The following RSF1 variants were observed in gnomAD, a reference collection of about 807,000 sequenced individuals.
RSF1 encodes remodeling and spacing factor 1.
RSF1 carries 13 observed loss-of-function variants against 145.2 expected under a neutral mutation model. The ratio of observed to expected loss-of-function variants is 0.09; its 90% CI spans 0.06 to 0.14. The LOEUF (loss-of-function observed/expected upper bound fraction) is 0.14, where lower values mean the gene tolerates loss of function less well. Among genes scored for constraint, RSF1 ranks in the 10% least tolerant of loss-of-function variants. The pLI is 1.00. For missense variants in RSF1, 1,517 were observed against 1,718.2 expected, an observed-to-expected ratio of 0.88 and a Z score of 2.07; for synonymous variants, 577 against 592.6, an observed-to-expected ratio of 0.97 and a Z score of 0.38.
At chr11:77,731,926 C>G (rs2135896479) in intron 4 of RSF1, among the ~76,000 whole-genome samples, 1 of 152,312 alleles carries the variant, frequency 6.6e-6, no homozygotes, top group East Asian at 1.9e-4. Context: ...AATGTGGGAT[C>G]AGAGCCACAC....
the RSF1 span, among the ~76,000 whole-genome samples, chr11:77,860,384 C>G: frequency 1.3e-5 from 2 of 152,216 alleles, no homozygotes; most frequent in Non-Finnish European, 2.9e-5. Flanking sequence ...TGAGGATAAG[C>G]CAGTGTGGGC....
rs146278334 is a variant in RSF1 at position 77,682,478 on chromosome 11, C to T, written c.3065+1232G>A. 2.4e-4 allele frequency among the ~76,000 whole-genome samples: 37 copies of T among 152,248 alleles called. No individual in the cohort carries two copies. The Middle Eastern group carries it at 0.014, about 56-fold the overall frequency. On this transcript the variant is annotated intron_variant, in intron 11 of 15. Transcript: ENST00000308488. ...AGACAGCATGATTTAGTGGAAAGAA[C>T]ACTAGACTGGAAGATAGGGTTTTAG... is the stretch of plus-strand genomic sequence containing the variant.
intron 1 of RSF1, among the ~76,000 whole-genome samples, chr11:77,802,771 G>C (rs954875531): frequency 6.6e-6 from 1 of 152,020 alleles, no homozygotes; most frequent in East Asian, 1.9e-4. Context: ...GGCTGGTCTC[G>C]AACTCCTGAC....
At chr11:77,857,984 G>A in the RSF1 span, among the ~76,000 whole-genome samples, 2 of 152,036 alleles carry the variant, frequency 1.3e-5, no homozygotes, top group African/African-American at 2.4e-5. Context: ...GTGAGCCAAC[G>A]TGCCCGGCCA....
At chr11:77,674,712 T>C (rs1033558453) in intron 14 of RSF1, among the ~76,000 whole-genome samples, 1 of 152,212 alleles carries the variant, frequency 6.6e-6, no homozygotes, top group African/African-American at 2.4e-5. Flanking sequence ...TAAGAATTTG[T>C]TGAGCTGGCC....
At chr11:77,840,900 T>C in the RSF1 span, 1 of 324,766 alleles carries the variant, frequency 3.1e-6, no homozygotes. Flanking sequence ...GGTTTAGCCA[T>C]TTGCCTATAC....
chr11:77,691,482 C>A (rs1213252797), intron 8 of RSF1, among the ~76,000 whole-genome samples: 8 of 152,156 alleles, frequency 5.3e-5, no homozygotes, highest in Admixed American at 5.2e-4. Flanking sequence ...GGATTCTGTG[C>A]CTATCCTACT....
chr11:77,725,644 C>T lies in RSF1; in HGVS notation c.634G>A (p.Val212Ile). The T allele has an allele frequency of 1.2e-6, 2 of 1,609,986 alleles. No individual in the cohort carries two copies. Among genetic ancestry groups the T allele is most frequent in the Non-Finnish European group, 1.7e-6 (2 of 1,177,874 alleles). Residue 212 changes from valine (V) to isoleucine (I), a missense_variant, in exon 5 of 16, where the codon GTA becomes ATA. This residue lies in a region of RSF1 where 207 missense variants were observed against 191.4 expected (regional missense o/e 1.08). Coordinates refer to ENST00000308488, the MANE Select transcript of RSF1 (RefSeq NM_016578.4). ...TGTTGGCTAGAGTTTTTCAATAGTA[C>T]AGGATCAATTTGTGCTTTCAGGAGT... ...LALLKAQIDPVLLKNSSQQDN... is the reference protein window; with the variant it reads ...LALLKAQIDPILLKNSSQQDN...
intron 1 of RSF1, among the ~76,000 whole-genome samples, chr11:77,784,643 ATCAG>A (rs1192393425): frequency 6.6e-6 from 1 of 152,182 alleles, no homozygotes; most frequent in African/African-American, 2.4e-5. Flanking sequence ...TGCTGTAAAA[ATCAG>A]TTGGGCTTTG....
At chr11:77,842,722 TTG>T in the RSF1 span, 1 of 1,518,890 alleles carries the variant, frequency 6.6e-7, no homozygotes, top group Non-Finnish European at 8.9e-7. Context: ...ACTATTTCTC[TTG>T]TGTCTTTTTG....
At chr11:77,759,321 G>A (rs946768715) in intron 2 of RSF1, among the ~76,000 whole-genome samples, 1 of 151,872 alleles carries the variant, frequency 6.6e-6, no homozygotes, top group Non-Finnish European at 1.5e-5. Context: ...GATCGGCCTG[G>A]GCAATGTGGC....
upstream of RSF1, among the ~76,000 whole-genome samples, chr11:77,821,918 C>T (rs1430100317): frequency 1.3e-5 from 2 of 151,966 alleles, no homozygotes; most frequent in African/African-American, 4.8e-5. Flanking sequence ...CTTTGAACTC[C>T]TTAGAGTGGG....
the RSF1 span, chr11:77,870,182 TAA>T: frequency 5.5e-4 from 83 of 151,832 alleles, no homozygotes; most frequent in Admixed American, 1.0e-3. Context: ...AAATTTAATT[TAA>T]TTTTTTTTTT....
the RSF1 span, among the ~76,000 whole-genome samples, chr11:77,836,919 C>T: frequency 2.6e-5 from 4 of 152,042 alleles, no homozygotes; most frequent in Admixed American, 1.3e-4. Flanking sequence ...GAGCCAAGAT[C>T]GCGCCATTGC....
rs1176564933 is a variant in RSF1 at position 77,670,834 on chromosome 11, C to T, written c.3751+1208G>A. 4.6e-5 allele frequency among the ~76,000 whole-genome samples: 7 copies of T among 151,558 alleles called. No homozygotes were observed. The East Asian group carries it at 7.8e-4, about 17-fold the overall frequency. ...TCAAAACAGGCCATAAAGCCGGGCG[C>T]GGTGGCTCACGCCTGTAATCCCAGC... On this transcript the variant is annotated intron_variant, in intron 15 of 15. Coordinates refer to ENST00000308488, the MANE Select transcript of RSF1 (RefSeq NM_016578.4).
intron 1 of RSF1, among the ~76,000 whole-genome samples, chr11:77,769,104 C>T (rs1284945560): frequency 6.6e-6 from 1 of 152,112 alleles, no homozygotes; most frequent in Non-Finnish European, 1.5e-5. Flanking sequence ...GTCGCCCAGG[C>T]TGGAGTGCAG....
upstream of RSF1, chr11:77,820,771 G>C: frequency 6.7e-7 from 1 of 1,494,520 alleles, no homozygotes; most frequent in Non-Finnish European, 9.0e-7. Flanking sequence ...TTGTGGTGCC[G>C]AGGGATGGCA....
intron 1 of RSF1, among the ~76,000 whole-genome samples, chr11:77,819,785 AAGG>A (rs1565190878): frequency 6.6e-6 from 1 of 151,624 alleles, no homozygotes; most frequent in African/African-American, 2.4e-5. Flanking sequence ...TGGGGAGAGG[AAGG>A]AGAACTATGG....
intron 2 of RSF1, among the ~76,000 whole-genome samples, chr11:77,752,619 C>A (rs769849926): frequency 4.2e-4 from 64 of 152,148 alleles, no homozygotes; most frequent in Non-Finnish European, 7.2e-4. Context: ...CTTAACCTCA[C>A]TCTCTGTGTA....
Sources: gnomAD v4.1 joint callset for allele counts (sites outside exome capture counted in the v4.1 genomes callset) on GRCh38, gnomAD v4.1.1 for gene constraint, gnomAD v4.1.1 regional missense constraint, MANE v1.5 for transcripts, NCBI Gene and HGNC (gene_info 2026-07-23, HGNC 2026-07-21) for gene names.